SYT1: variants seen among roughly 807,000 people sequenced by gnomAD.
SYT1 encodes the protein synaptotagmin-1.
A neutral mutation model predicts 44.8 loss-of-function variants in SYT1; 8 were observed. That is an observed-to-expected ratio of 0.18 (90% confidence interval 0.10 to 0.32). The LOEUF (loss-of-function observed/expected upper bound fraction) is 0.32. Among genes scored for constraint, SYT1 ranks in the 10% least tolerant of loss-of-function variants. The pLI, the probability that SYT1 is intolerant of heterozygous loss-of-function variation, is 1.00. For synonymous variants in SYT1, 154 were observed against 188.8 expected (o/e 0.82, Z 1.51); for missense variants, 286 against 509.3 (o/e 0.56, Z 4.22).
intron 7 of SYT1, among the ~76,000 whole-genome samples, chr12:79,297,531 A>G (rs1879933440): frequency 6.6e-6 from 1 of 152,096 alleles, no homozygotes; most frequent in African/African-American, 2.4e-5. Context: ...CATTACCTAC[A>G]TTATTATTTC....
At chr12:79,033,664 C>T (rs1872954629) in intron 2 of SYT1, among the ~76,000 whole-genome samples, 1 of 151,402 alleles carries the variant, frequency 6.6e-6, no homozygotes, top group East Asian at 1.9e-4. Flanking sequence ...AGTACTCCAA[C>T]TTCCGAACAT....
intron 9 of SYT1, among the ~76,000 whole-genome samples, chr12:79,434,905 C>T (rs1187003047): frequency 6.6e-6 from 1 of 151,980 alleles, no homozygotes; most frequent in Non-Finnish European, 1.5e-5. Context: ...TAGCCTTGTG[C>T]TTAGAATAAA....
At chr12:79,039,684 C>G (rs369290814) in intron 2 of SYT1, among the ~76,000 whole-genome samples, 1 of 149,918 alleles carries the variant, frequency 6.7e-6, no homozygotes, top group Non-Finnish European at 1.5e-5. Context: ...AGGTTAGTTA[C>G]ATATGTATAC....
At chr12:79,348,931 GAAAGGAAAGA>G (rs201012246) in intron 8 of SYT1, among the ~76,000 whole-genome samples, 3,074 of 138,252 alleles carry the variant, frequency 0.022, 107 homozygotes, top group African/African-American at 0.072. Context: ...AAAAAAGAAA[GAAAGGAAAGA>G]AAAAGAAAGA....
chr12:79,360,783 A>G (rs1883288966), intron 9 of SYT1, among the ~76,000 whole-genome samples: 1 of 152,228 alleles, frequency 6.6e-6, no homozygotes, highest in South Asian at 2.1e-4. Context: ...TGATAAAATA[A>G]TCTGAATTCG....
chr12:78,988,654 G>A (rs1869819867), intron 2 of SYT1, among the ~76,000 whole-genome samples: 1 of 151,666 alleles, frequency 6.6e-6, no homozygotes, highest in Non-Finnish European at 1.5e-5. Context: ...GGTGTAGAGT[G>A]AGTGAGGAAA....
intron 8 of SYT1, among the ~76,000 whole-genome samples, chr12:79,349,054 A>G (rs867042774): frequency 7.3e-5 from 10 of 137,026 alleles, no homozygotes; most frequent in South Asian, 2.7e-4. Flanking sequence ...AGAAAGAAAG[A>G]AAGGAGGGAG....
chr12:78,892,535 C>T (rs1875115636), intron 1 of SYT1, among the ~76,000 whole-genome samples: 1 of 151,620 alleles, frequency 6.6e-6, no homozygotes, highest in African/African-American at 2.4e-5. Flanking sequence ...TCTAAACACA[C>T]ATTTTAAAAT....
intron 1 of SYT1, among the ~76,000 whole-genome samples, chr12:78,869,897 G>T (rs376190769): frequency 2.0e-5 from 3 of 151,948 alleles, no homozygotes; most frequent in African/African-American, 7.2e-5. Flanking sequence ...AAGCATACTG[G>T]TCACTCCTAT....
intron 1 of SYT1, among the ~76,000 whole-genome samples, chr12:78,972,542 T>A (rs371044493): frequency 0.015 from 2,212 of 150,564 alleles, 23 homozygotes; most frequent in Middle Eastern, 0.048. Context: ...AAAAAAAATA[T>A]ATATATATAT....
intron 3 of SYT1, among the ~76,000 whole-genome samples, chr12:79,188,627 T>G (rs1460309671): frequency 6.6e-6 from 1 of 152,154 alleles, no homozygotes; most frequent in African/African-American, 2.4e-5. Flanking sequence ...CATTTCACCT[T>G]TCTAGCTTCA....
chr12:79,133,052 G>C (rs139409170), intron 3 of SYT1, among the ~76,000 whole-genome samples: 1 of 152,128 alleles, frequency 6.6e-6, no homozygotes, highest in Admixed American at 6.6e-5. Context: ...TTCTCTCATG[G>C]AGGAAGAGAA....
At chr12:79,182,249 C>A (rs1238729160) in intron 3 of SYT1, among the ~76,000 whole-genome samples, 1 of 152,050 alleles carries the variant, frequency 6.6e-6, no homozygotes, top group African/African-American at 2.4e-5. Context: ...TGGTCTTCAT[C>A]CTCCTTAAAC....
intron 1 of SYT1, among the ~76,000 whole-genome samples, chr12:78,894,397 C>T (rs1384168561): frequency 1.8e-5 from 2 of 108,622 alleles, no homozygotes; most frequent in African/African-American, 7.2e-5. Context: ...CAAATGTCTA[C>T]AGCCTAAAAT....
chr12:78,910,120 T>C (rs766768579), intron 1 of SYT1, among the ~76,000 whole-genome samples: 6 of 151,900 alleles, frequency 3.9e-5, no homozygotes, highest in Non-Finnish European at 8.8e-5. Context: ...TTCCTCACCA[T>C]TGAGTGGGCC....
chr12:78,935,122 A>AGG (rs1303363225), intron 1 of SYT1, among the ~76,000 whole-genome samples: 3 of 152,188 alleles, frequency 2.0e-5, no homozygotes, highest in Non-Finnish European at 4.4e-5. Flanking sequence ...TCCTTGACCT[A>AGG]GAGAATTTTG....
intron 2 of SYT1, among the ~76,000 whole-genome samples, chr12:79,045,061 C>G (rs552600961): frequency 6.6e-6 from 1 of 152,084 alleles, no homozygotes; most frequent in Non-Finnish European, 1.5e-5. Flanking sequence ...GCAGAGGTTA[C>G]TGCTGTCTTT....
intron 3 of SYT1, among the ~76,000 whole-genome samples, chr12:79,115,552 T>G (rs1879232092): frequency 6.6e-6 from 1 of 152,172 alleles, no homozygotes; most frequent in South Asian, 2.1e-4. Flanking sequence ...CAGCACTACC[T>G]AGACAAATTT....
At chr12:79,201,560 A>G (rs1873787768) in intron 3 of SYT1, among the ~76,000 whole-genome samples, 1 of 152,166 alleles carries the variant, frequency 6.6e-6, no homozygotes, top group African/African-American at 2.4e-5. Context: ...GACTGACACT[A>G]CCCAATTCAC....
Sources: gnomAD v4.1 joint callset for allele counts (sites outside exome capture counted in the v4.1 genomes callset) on GRCh38, gnomAD v4.1.1 for gene constraint, MANE v1.5 for transcripts, NCBI Gene and HGNC (gene_info 2026-07-23, HGNC 2026-07-21) for gene names.